MON2: variants seen among roughly 807,000 people sequenced by gnomAD.
The protein encoded by MON2 is MON2 regulator of endosome-to-Golgi trafficking, also known as protein MON2 homolog.
MON2 carries 84 observed loss-of-function variants against 208.6 expected under a neutral mutation model. The ratio of observed to expected loss-of-function variants is 0.40; its 90% CI spans 0.34 to 0.48. MON2 has a LOEUF of 0.48. MON2 is among the 20% of genes least tolerant of loss of function. The pLI, the probability that MON2 is intolerant of heterozygous loss-of-function variation, is 0.59. For synonymous variants in MON2, 660 were observed against 694.0 expected, an observed-to-expected ratio of 0.95 and a Z score of 0.77; for missense variants, 1,611 against 2,015.4, an observed-to-expected ratio of 0.80 and a Z score of 3.84.
intron 30 of MON2, among the ~76,000 whole-genome samples, chr12:62,575,305 G>C (rs2136428029): frequency 6.6e-6 from 1 of 152,252 alleles, no homozygotes; most frequent in Admixed American, 6.5e-5. Flanking sequence ...AGTGTTAAGA[G>C]AACTTAAAAA....
At chr12:62,571,279 C>A in intron 29 of MON2, 113 bp from the exon 30 acceptor site, 2 of 810,858 alleles carry the variant, frequency 2.5e-6, no homozygotes, top group Non-Finnish European at 3.7e-6. Context: ...AAAATACCAT[C>A]CTTTTTAAGA....
At chr12:62,582,722 T>TA (rs34553715) in intron 32 of MON2, among the ~76,000 whole-genome samples, 41,334 of 147,360 alleles carry the variant, frequency 0.28, 6,207 homozygotes, top group Non-Finnish European at 0.34. Context: ...TAGTTTTCAT[T>TA]AAAAAAAAAA....
chr12:62,498,876 C>T (rs1488957715), intron 4 of MON2, 43 bp from the exon 5 acceptor site: 5 of 1,542,356 alleles, frequency 3.2e-6, no homozygotes, highest in Non-Finnish European at 4.4e-6. Context: ...AATGGCTTTG[C>T]TTTTCAATCT....
chr12:62,529,929 A>C (rs917472493), intron 11 of MON2, among the ~76,000 whole-genome samples: 6 of 152,176 alleles, frequency 3.9e-5, no homozygotes, highest in African/African-American at 1.4e-4. Context: ...TATAATGTGT[A>C]GTTATCAAAT....
Position 62,594,955 on chromosome 12 carries a change from C to G in MON2, c.*2206C>G, listed in dbSNP as rs1228810982. 6.6e-6 allele frequency: 1 copy of G among 152,112 alleles called. No homozygotes were observed. Among genetic ancestry groups the G allele is most frequent in the Admixed American group, 6.5e-5 (1 of 15,276 alleles). 9.4% of individuals were successfully genotyped at this position (152,112 alleles called of 1,614,324 possible). A position where few individuals can be genotyped will look rare whatever the true frequency, so the allele number is the denominator to read the frequency against. ...CTGGCATGGAACACATTGCCCTTGTCTTGTTAGTATGAATTGGGTTCTCCA... is the reference window on the plus strand; with the variant it reads ...CTGGCATGGAACACATTGCCCTTGTGTTGTTAGTATGAATTGGGTTCTCCA... On this transcript the variant is annotated 3_prime_UTR_variant, in exon 35 of 35. Coordinates refer to ENST00000393630, the MANE Select transcript of MON2 (RefSeq NM_015026.3).
At chr12:62,473,866 C>T (rs1013069784) in intron 1 of MON2, among the ~76,000 whole-genome samples, 10 of 151,976 alleles carry the variant, frequency 6.6e-5, no homozygotes, top group South Asian at 2.1e-4. Context: ...CCACTGTGCC[C>T]GGCCATCCTT....
intron 8 of MON2, among the ~76,000 whole-genome samples, chr12:62,509,433 C>G (rs2071279867): frequency 6.6e-6 from 1 of 151,992 alleles, no homozygotes; most frequent in Admixed American, 6.6e-5. Context: ...TAAAAACAGA[C>G]AATATAATAA....
At position 62,498,771 on chromosome 12, in the gene MON2, A is replaced by G. The variant is rs1156993615; in HGVS notation, c.436-148A>G. ...TATATATTTACTGACAACTTGGATT[A>G]CATCAAAATCTGAGGATTTTATATT... On this transcript the variant is annotated intron_variant, in intron 4 of 34. Transcript: ENST00000393630. The G allele has an allele frequency of 4.0e-6, 3 of 756,764 alleles. No individual in the cohort carries two copies. In the East Asian group the frequency reaches 9.7e-5, roughly 24 times the overall value. The allele number at this position is 756,764 out of a possible 1,614,324, so 46.9% of individuals were successfully genotyped here. A position where few individuals can be genotyped will look rare whatever the true frequency, so the allele number is the denominator to read the frequency against.
intron 8 of MON2, among the ~76,000 whole-genome samples, chr12:62,518,084 GC>G (rs371156521): frequency 1.5e-4 from 23 of 152,288 alleles, no homozygotes; most frequent in African/African-American, 4.6e-4. Flanking sequence ...TTCCTGGTTT[GC>G]AGATGTCTGT....
chr12:62,563,747 C>G (rs916689479), intron 26 of MON2, among the ~76,000 whole-genome samples: 1 of 152,022 alleles, frequency 6.6e-6, no homozygotes, highest in Non-Finnish European at 1.5e-5. Flanking sequence ...CATTGAAAAT[C>G]AAAATGCATA....
rs567491613 is a variant in MON2, at chr12:62,530,011, C to T, written c.1401-2427C>T. On this transcript the variant is annotated intron_variant, in intron 11 of 34. Transcript: ENST00000393630. ...TGGGAACATCTGAATTCGTGTGTTC[C>T]AGGTATTTAAAAATATGCAATAGAT... Among the ~76,000 whole-genome samples, 11 of 152,042 alleles carry T rather than the reference C, an allele frequency of 7.2e-5. No homozygotes were observed. The South Asian group carries it at 1.9e-3, about 26-fold the overall frequency.
At chr12:62,588,714 A>T in intron 34 of MON2, 1 of 486,232 alleles carries the variant, frequency 2.1e-6, no homozygotes. Context: ...TTTCCTACCA[A>T]ATTGCAAAGA....
chr12:62,477,627 G>T (rs2069165068), intron 1 of MON2, among the ~76,000 whole-genome samples: 1 of 32,576 alleles, frequency 3.1e-5, no homozygotes, highest in South Asian at 5.1e-4. Context: ...ATGTTGCCCA[G>T]GCGGTCACGA....
intron 8 of MON2, among the ~76,000 whole-genome samples, chr12:62,510,181 G>T (rs1051944978): frequency 1.3e-5 from 2 of 151,956 alleles, no homozygotes; most frequent in African/African-American, 4.8e-5. Flanking sequence ...TTCCAACAAA[G>T]AAAAGTGCAA....
At chr12:62,498,798 T>A in intron 4 of MON2, 121 bp from the exon 5 acceptor site, 2 of 1,036,010 alleles carry the variant, frequency 1.9e-6, no homozygotes, top group Non-Finnish European at 2.6e-6. Context: ...TTTTATATTT[T>A]ATTGTAAATG....
intron 13 of MON2, among the ~76,000 whole-genome samples, chr12:62,535,286 G>A (rs888647375): frequency 1.3e-5 from 2 of 151,832 alleles, no homozygotes; most frequent in African/African-American, 4.8e-5. Context: ...AAATCTTTAT[G>A]TTCTTGGTCA....
intron 1 of MON2, among the ~76,000 whole-genome samples, chr12:62,468,878 A>G (rs2094061356): frequency 6.6e-6 from 1 of 152,200 alleles, no homozygotes; most frequent in African/African-American, 2.4e-5. Flanking sequence ...AATAATTCAT[A>G]CAAAAACTGT....
chr12:62,542,171 G>A (rs2073271723), intron 19 of MON2, among the ~76,000 whole-genome samples: 2 of 152,150 alleles, frequency 1.3e-5, no homozygotes, highest in African/African-American at 4.8e-5. Flanking sequence ...GCGCATGCGG[G>A]AAGGGTCAAC....
intron 12 of MON2, among the ~76,000 whole-genome samples, chr12:62,532,955 G>GA (rs1346484602): frequency 2.0e-5 from 3 of 152,098 alleles, no homozygotes; most frequent in Non-Finnish European, 4.4e-5. Flanking sequence ...ATCACCATCA[G>GA]AAATTTAACA....
Sources: gnomAD v4.1 joint callset for allele counts (sites outside exome capture counted in the v4.1 genomes callset) on GRCh38, gnomAD v4.1.1 for gene constraint, MANE v1.5 for transcripts, NCBI Gene and HGNC (gene_info 2026-07-23, HGNC 2026-07-21) for gene names.